PHF19: variants seen among roughly 807,000 people sequenced by gnomAD.
PHF19 encodes PHD finger protein 19, also known as polycomb like 3.
A neutral mutation model predicts 79.8 loss-of-function variants in PHF19; 21 were observed. That is an observed-to-expected ratio of 0.26 (90% CI 0.19 to 0.38). PHF19 has a LOEUF of 0.38. Among genes scored for constraint, PHF19 ranks in the 10% least tolerant of loss-of-function variants. The probability of loss-of-function intolerance (pLI) is 1.00; values close to 1 mark genes in which losing one functional copy is unlikely to be tolerated. For missense variants in PHF19, 445 were observed against 744.2 expected (o/e 0.60, Z 4.68); for synonymous variants, 273 against 296.3 (o/e 0.92, Z 0.81).
chr9:120,859,231 C>CTTTT (rs59695692), intron 14 of PHF19, among the ~76,000 whole-genome samples: 6 of 104,992 alleles, frequency 5.7e-5, no homozygotes, highest in Non-Finnish European at 7.6e-5. Flanking sequence ...TACCATTGTC[C>CTTTT]TTTTTTTTTT....
chr9:120,882,842 CAA>C (rs35003037), intron 1 of PHF19, among the ~76,000 whole-genome samples: 11 of 109,668 alleles, frequency 1.0e-4, no homozygotes, highest in Middle Eastern at 3.9e-3. Flanking sequence ...AACTCCATCT[CAA>C]AAAAAAAAAA....
rs1363632113 is a variant in PHF19 at position 120,860,058 on chromosome 9, A to C, written c.1400+32T>G. ...GCTGAGAGGAATGATGGTCCTTGCA[A>C]AATGTGAAGGCCAGACCTCTAGGAA... is the stretch of plus-strand genomic sequence containing the variant. On this transcript the variant is annotated intron_variant, in intron 14 of 14. Transcript: ENST00000373896. This position sits in a 1 kb window ranked among gnomAD's most constrained non-coding sequence, Gnocchi z 4.1. The C allele has an allele frequency of 4.3e-6, 5 of 1,168,818 alleles. No homozygotes were observed. Among genetic ancestry groups the C allele is most frequent in the Non-Finnish European group, 6.3e-6 (5 of 794,256 alleles). 72.4% of individuals were successfully genotyped at this position (1,168,818 alleles called of 1,614,324 possible). A position where few individuals can be genotyped will look rare whatever the true frequency, so the allele number is the denominator to read the frequency against.
chr9:120,861,532 C>T (rs1325568651), intron 12 of PHF19, among the ~76,000 whole-genome samples: 3 of 152,142 alleles, frequency 2.0e-5, no homozygotes, highest in Non-Finnish European at 4.4e-5. Flanking sequence ...AATACTACTG[C>T]CCACAGGGAG....
Position 120,866,768 on chromosome 9 carries a change from CTCT to C in PHF19, c.710+99_710+101del. 1.4e-6 allele frequency: 1 copy of C among 722,026 alleles called. No individual in the cohort carries two copies. Among genetic ancestry groups the C allele is most frequent in the Non-Finnish European group, 2.6e-6 (1 of 388,948 alleles). The allele number at this position is 722,026 out of a possible 1,614,324, so 44.7% of individuals were successfully genotyped here. The stretch of plus-strand genomic sequence containing the variant: ...GTAGGCATACATTGTCACAGACCTC[CTCT>C]TGTCTGGAGCCTGGCAGTCAACCTG... On this transcript the variant is annotated intron_variant, in intron 7 of 14. Coordinates refer to ENST00000373896, the MANE Select transcript of PHF19 (RefSeq NM_015651.3). This position sits in a 1 kb window ranked among gnomAD's most constrained non-coding sequence, Gnocchi z 5.2.
intron 1 of PHF19, among the ~76,000 whole-genome samples, chr9:120,886,583 C>T (rs759343214): frequency 9.9e-5 from 15 of 152,204 alleles, no homozygotes; most frequent in Admixed American, 1.3e-4. Context: ...TTTAGCCATG[C>T]ACTCCTGGTG....
chr9:120,861,166 G>T lies in PHF19; in HGVS notation c.1227C>A (p.Phe409Leu). The T allele has an allele frequency of 6.3e-7, 1 of 1,591,010 alleles. No individual in the cohort carries two copies. The highest frequency in any genetic ancestry group is 8.6e-7 in the Non-Finnish European group (1 of 1,158,900). ...LLEDAIPSSD[F>L]TSAWSTNHHL... is the part of the protein sequence containing the mutation. ...GGTGGTTGGTGCTCCAGGCTGAGGT[G>T]AAGTCACTCTGTGGACACAGGAAGG... is the stretch of plus-strand genomic sequence containing the variant. The change falls in exon 13 of 15, where the codon TTC (phenylalanine) becomes TTA (leucine). Residue 409 changes from phenylalanine (F) to leucine (L), a missense_variant. Coordinates refer to ENST00000373896, the MANE Select transcript of PHF19 (RefSeq NM_015651.3).
upstream of PHF19, among the ~76,000 whole-genome samples, chr9:120,878,118 G>A (rs2046118584): frequency 6.6e-6 from 1 of 152,190 alleles, no homozygotes; most frequent in African/African-American, 2.4e-5. Context: ...ATTCACAAAA[G>A]AGGAAACCTA....
chr9:120,856,801 GGACCAATGCTGGTT>G lies in PHF19; in HGVS notation c.*1129_*1142del, dbSNP rs2045369878. On this transcript the variant is annotated 3_prime_UTR_variant, in exon 15 of 15. Transcript: ENST00000373896. ...GGTGAGTCCCCTGTGCTTCCCTATGGGACCAATGCTGGTTGATGGGCTGAAAGAAGGAGCGGCCA... is the reference window on the plus strand; with the variant it reads ...GGTGAGTCCCCTGTGCTTCCCTATGGGATGGGCTGAAAGAAGGAGCGGCCA... 6.5e-6 allele frequency: 1 copy of G among 152,702 alleles called. No individual in the cohort carries two copies. Among genetic ancestry groups the G allele is most frequent in the South Asian group, 2.1e-4 (1 of 4,834 alleles). 9.5% of individuals were successfully genotyped at this position (152,702 alleles called of 1,614,324 possible).
intron 1 of PHF19, among the ~76,000 whole-genome samples, chr9:120,889,557 A>G (rs1409536520): frequency 6.6e-6 from 1 of 152,046 alleles, no homozygotes; most frequent in South Asian, 2.1e-4. Context: ...CCTGGGCCAC[A>G]TGGCGAAACC....
chr9:120,881,210 C>T (rs1440602104), upstream of PHF19, among the ~76,000 whole-genome samples: 1 of 148,272 alleles, frequency 6.7e-6, no homozygotes, highest in African/African-American at 2.5e-5. Flanking sequence ...TGCAGTGGCG[C>T]GATCTCGGCT....
intron 1 of PHF19, among the ~76,000 whole-genome samples, chr9:120,883,357 C>A (rs2046215629): frequency 1.3e-5 from 2 of 152,218 alleles, no homozygotes; most frequent in African/African-American, 2.4e-5. Flanking sequence ...TTTGTTCACC[C>A]TTTCAACATA....
At chr9:120,887,449 A>G (rs1453063504) in intron 1 of PHF19, among the ~76,000 whole-genome samples, 1 of 152,106 alleles carries the variant, frequency 6.6e-6, no homozygotes, top group Non-Finnish European at 1.5e-5. Context: ...GTGAAACTCC[A>G]TCTCAAAAAC....
chr9:120,859,231 C>T (rs1471831481), intron 14 of PHF19, among the ~76,000 whole-genome samples: 7 of 104,988 alleles, frequency 6.7e-5, no homozygotes, highest in Non-Finnish European at 9.4e-5. Context: ...TACCATTGTC[C>T]TTTTTTTTTT....
At chr9:120,895,631 C>T (rs1327809089), upstream of PHF19, among the ~76,000 whole-genome samples, 1 of 151,928 alleles carries the variant, frequency 6.6e-6, no homozygotes, top group African/African-American at 2.4e-5. Flanking sequence ...AAGCCTGTGA[C>T]TTTCATGTTG....
intron 6 of PHF19, chr9:120,868,857 G>A: frequency 1.9e-6 from 2 of 1,055,536 alleles, no homozygotes; most frequent in Non-Finnish European, 2.3e-6. Context: ...CCCGCCTCCC[G>A]AGGCCTCGCC....
In PHF19 at chr9:120,870,614, C is replaced by G; in HGVS notation, c.269-76G>C. ...TTATACTCACATTCCAGATGCCCAG[C>G]CTCTAATGTCTGCTAGGCCTAGCGC... On this transcript the variant is annotated intron_variant, in intron 3 of 14. Coordinates refer to ENST00000373896, the MANE Select transcript of PHF19 (RefSeq NM_015651.3). The surrounding 1 kb of genome is among the most constrained non-coding windows in gnomAD (Gnocchi z 4.4). The G allele has an allele frequency of 1.1e-6, 1 of 874,988 alleles. No homozygotes were observed. The highest frequency in any genetic ancestry group is 2.0e-6 in the Non-Finnish European group (1 of 512,192). The allele number at this position is 874,988 out of a possible 1,614,324, so 54.2% of individuals were successfully genotyped here.
chr9:120,869,045 A>C lies in PHF19; in HGVS notation c.614+137T>G, dbSNP rs926757834. The C allele has an allele frequency of 2.3e-6, 1 of 430,604 alleles. No homozygotes were observed. Among genetic ancestry groups the C allele is most frequent in the Non-Finnish European group, 2.8e-6 (1 of 363,418 alleles). 26.7% of individuals were successfully genotyped at this position (430,604 alleles called of 1,614,324 possible). On this transcript the variant is annotated intron_variant, in intron 6 of 14. Transcript: ENST00000373896. The surrounding 1 kb of genome is among the most constrained non-coding windows in gnomAD (Gnocchi z 5.8). ...GCCCGCCCCTCGAGGCCCCGCCCCC[A>C]CAGCGCAACACACTGGGCCCGCCCT...
At chr9:120,884,801 A>C (rs1217644235) in intron 1 of PHF19, among the ~76,000 whole-genome samples, 1 of 151,680 alleles carries the variant, frequency 6.6e-6, no homozygotes, top group Admixed American at 6.6e-5. Flanking sequence ...CACGCCTATG[A>C]TCCCAGCTAC....
upstream of PHF19, among the ~76,000 whole-genome samples, chr9:120,896,707 C>A (rs1326204103): frequency 6.6e-6 from 1 of 152,090 alleles, no homozygotes; most frequent in Non-Finnish European, 1.5e-5. Context: ...CCCGTCTCGG[C>A]CTCCCAAAGT....
Sources: allele counts gnomAD v4.1 joint callset (sites outside exome capture counted in the v4.1 genomes callset), GRCh38; gene constraint gnomAD v4.1.1; non-coding constraint Gnocchi (gnomAD v3.1); transcripts MANE v1.5; gene names NCBI Gene and HGNC (gene_info 2026-07-23, HGNC 2026-07-21).